DHRSX: variants seen among roughly 807,000 people sequenced by gnomAD.
DHRSX encodes the protein dehydrogenase/reductase X-linked.
A neutral mutation model predicts 34.0 loss-of-function variants in DHRSX; 31 were observed. The observed-to-expected ratio is 0.91, with a 90% CI of 0.69 to 1.23. The LOEUF is 1.23. DHRSX is among the 50% of genes most tolerant of loss of function. DHRSX has a pLI of 0.00. For synonymous variants in DHRSX, 201 were observed against 183.8 expected, an observed-to-expected ratio of 1.09 and a Z score of -0.76; for missense variants, 414 against 428.1, an observed-to-expected ratio of 0.97 and a Z score of 0.29.
intron 1 of DHRSX, among the ~76,000 whole-genome samples, chrX:2,483,049 T>C (rs1004474592): frequency 3.4e-5 from 5 of 145,466 alleles, no homozygotes; most frequent in Admixed American, 6.7e-5. Context: ...ACTGAAATCC[T>C]GGCAGAACAA....
chrX:2,365,343 T>C (rs750974173), intron 3 of DHRSX, among the ~76,000 whole-genome samples: 1 of 152,318 alleles, frequency 6.6e-6, no homozygotes, highest in South Asian at 2.1e-4. Context: ...TTTCACCATG[T>C]TGGCCAGGCT....
rs187401313 is a variant in DHRSX at position 2,296,290 on chromosome X, G to A, written c.287-4687C>T. Among the ~76,000 whole-genome samples, 634 of 152,300 alleles carry A rather than the reference G, an allele frequency of 4.2e-3. 4 individuals carry two copies. The highest frequency in any genetic ancestry group is 0.015 in the African/African-American group (610 of 41,570). ...GTAAAGGGAAGATGTATGGGAGCTTGGGCCACGTCCTCTGCTGGCGCTCTG... is the reference window on the plus strand; with the variant it reads ...GTAAAGGGAAGATGTATGGGAGCTTAGGCCACGTCCTCTGCTGGCGCTCTG... On this transcript the variant is annotated intron_variant, in intron 3 of 6. Coordinates refer to ENST00000334651, the MANE Select transcript of DHRSX (RefSeq NM_145177.3).
chrX:2,466,443 GAAAAAGAA>G (rs1378524017), intron 1 of DHRSX, among the ~76,000 whole-genome samples: 1 of 151,712 alleles, frequency 6.6e-6, no homozygotes, highest in Non-Finnish European at 1.5e-5. Flanking sequence ...AGTCTCAAAA[GAAAAAGAA>G]AAAAAGAAAA....
chrX:2,303,898 T>A (rs1267180105), intron 3 of DHRSX, among the ~76,000 whole-genome samples: 1 of 107,536 alleles, frequency 9.3e-6, no homozygotes, highest in African/African-American at 3.6e-5. Context: ...GATGGATGGA[T>A]AAATGGATGG....
intron 5 of DHRSX, among the ~76,000 whole-genome samples, chrX:2,250,500 G>A (rs142449139): frequency 1.3e-5 from 2 of 152,088 alleles, no homozygotes; most frequent in Non-Finnish European, 2.9e-5. Flanking sequence ...TTCTGGGACA[G>A]GGGTGACCAA....
At chrX:2,381,410 T>C (rs1206332443) in intron 3 of DHRSX, among the ~76,000 whole-genome samples, 1 of 152,070 alleles carries the variant, frequency 6.6e-6, no homozygotes, top group Non-Finnish European at 1.5e-5. Context: ...CTTGGACTTC[T>C]AGCCTCCAGA....
intron 1 of DHRSX, among the ~76,000 whole-genome samples, chrX:2,448,609 G>T (rs776731988): frequency 6.6e-6 from 1 of 152,178 alleles, no homozygotes; most frequent in African/African-American, 2.4e-5. Flanking sequence ...TAATTGACTT[G>T]ATTGTTAATA....
chrX:2,333,699 C>A (rs2042512639), intron 3 of DHRSX, among the ~76,000 whole-genome samples: 1 of 152,120 alleles, frequency 6.6e-6, no homozygotes, highest in Non-Finnish European at 1.5e-5. Context: ...AGGTGTGAGC[C>A]ACTGCGCCCG....
intron 1 of DHRSX, among the ~76,000 whole-genome samples, chrX:2,433,050 A>T (rs1045137885): frequency 4.6e-5 from 7 of 152,044 alleles, no homozygotes; most frequent in African/African-American, 1.7e-4. Flanking sequence ...CTTGAGCCCA[A>T]GGGATGGAGG....
intron 1 of DHRSX, among the ~76,000 whole-genome samples, chrX:2,427,656 TG>T (rs967968440): frequency 6.6e-6 from 1 of 152,060 alleles, no homozygotes; most frequent in Non-Finnish European, 1.5e-5. Flanking sequence ...CTCCTTGTAC[TG>T]GGGGCTGAGA....
At chrX:2,484,857 C>T (rs1203132671) in intron 1 of DHRSX, among the ~76,000 whole-genome samples, 1 of 152,108 alleles carries the variant, frequency 6.6e-6, no homozygotes, top group Non-Finnish European at 1.5e-5. Flanking sequence ...GTCTCTGGGC[C>T]TCCTCTGCAC....
At chrX:2,490,835 G>T in intron 1 of DHRSX, 1 of 1,423,624 alleles carries the variant, frequency 7.0e-7, no homozygotes, top group Non-Finnish European at 9.5e-7. Context: ...GAGCCCTGCC[G>T]GGGAGACAGA....
intron 3 of DHRSX, among the ~76,000 whole-genome samples, chrX:2,335,812 T>C (rs751735831): frequency 6.6e-6 from 1 of 152,048 alleles, no homozygotes; most frequent in Admixed American, 6.6e-5. Flanking sequence ...AGCTTGACTT[T>C]TCCCTTGAGC....
intron 5 of DHRSX, among the ~76,000 whole-genome samples, chrX:2,248,613 CA>C (rs1357827255): frequency 9.7e-4 from 17 of 17,518 alleles, no homozygotes; most frequent in Non-Finnish European, 1.8e-3. Context: ...GACTCTGTCT[CA>C]AAAAAAAAAA....
chrX:2,500,892 G>A lies in DHRSX; in HGVS notation c.34C>T (p.Arg12Trp), dbSNP rs967657248. The change falls in exon 1 of 7, where the codon CGG becomes TGG. Residue 12 changes from arginine to tryptophan, a missense_variant. Physicochemically the swap from Arg to Trp is moderately radical, Grantham distance 101. Transcript: ENST00000334651. ...SPLSAARAAL[R>W]VYAVGAAVIL... Reference sequence around the variant, plus strand: ...ACCGCGGCGCCTACCGCGTAGACCCGCAGGGCCGCCCGCGCCGCAGACAAT... The same window carrying A: ...ACCGCGGCGCCTACCGCGTAGACCCACAGGGCCGCCCGCGCCGCAGACAAT... 6 of 1,137,256 alleles carry A rather than the reference G, an allele frequency of 5.3e-6. No individual in the cohort carries two copies. The highest frequency in any genetic ancestry group is 3.2e-5 in the South Asian group (1 of 31,562). 70.4% of individuals were successfully genotyped at this position (1,137,256 alleles called of 1,614,324 possible). A position where few individuals can be genotyped will look rare whatever the true frequency, so the allele number is the denominator to read the frequency against.
intron 3 of DHRSX, among the ~76,000 whole-genome samples, chrX:2,375,478 G>A (rs1427684132): frequency 1.4e-5 from 2 of 138,150 alleles, no homozygotes; most frequent in African/African-American, 2.5e-5. Context: ...CACACGCCGT[G>A]TGGATGCCCG....
intron 3 of DHRSX, among the ~76,000 whole-genome samples, chrX:2,383,354 G>T (rs184128325): frequency 6.6e-6 from 1 of 150,452 alleles, no homozygotes; most frequent in East Asian, 2.0e-4. Flanking sequence ...ATCAGCAGCA[G>T]CAGCATAATC....
At chrX:2,275,775 CAA>C (rs1309064002) in intron 4 of DHRSX, among the ~76,000 whole-genome samples, 5 of 150,736 alleles carry the variant, frequency 3.3e-5, no homozygotes, top group African/African-American at 9.8e-5. Context: ...GGCGACAGAG[CAA>C]GGCTCTGTCT....
At chrX:2,277,160 A>G (rs865828231) in intron 4 of DHRSX, among the ~76,000 whole-genome samples, 1 of 3,776 alleles carries the variant, frequency 2.6e-4, no homozygotes, top group Non-Finnish European at 1.1e-3. Context: ...AAATAGGGGA[A>G]AGAGAGAAAG....
Sources: gnomAD v4.1 joint callset for allele counts (sites outside exome capture counted in the v4.1 genomes callset) on GRCh38, gnomAD v4.1.1 for gene constraint, MANE v1.5 for transcripts, NCBI Gene and HGNC (gene_info 2026-07-23, HGNC 2026-07-21) for gene names.